The following TLL2 variants were observed in gnomAD, a reference collection of about 807,000 sequenced individuals.
TLL2 encodes tolloid-like protein 2.
In TLL2, 106 loss-of-function variants were observed where a neutral mutation model predicts 123.0. The observed-to-expected ratio is 0.86, with a 90% CI of 0.74 to 1.01. TLL2 has a LOEUF of 1.01. Ranked by LOEUF, TLL2 falls within the 50% of genes least tolerant of loss-of-function variation. The pLI, the probability that TLL2 is intolerant of heterozygous loss-of-function variation, is 0.00. For synonymous variants in TLL2, 494 were observed against 516.8 expected (o/e 0.96, Z 0.60); for missense variants, 1,332 against 1,336.7 (o/e 1.00, Z 0.06).
Position 96,386,989 on chromosome 10 carries a change from C to A in TLL2, c.1816G>T (p.Gly606Cys). ...LGSYKCACDP[G>C]YELAADKKMC... ...TTCTTATCGGCGGCCAGCTCGTAGC[C>A]AGGGTCACAGGCACACTTGTAGCTG... Residue 606 changes from glycine (G) to cysteine (C), a missense_variant, in exon 14 of 21, where the codon GGC becomes TGC. Gly to Cys is a radical substitution (Grantham distance 159). Transcript: ENST00000357947. 6.2e-7 allele frequency: 1 copy of A among 1,614,120 alleles called. No homozygotes were observed. Among genetic ancestry groups the A allele is most frequent in the Non-Finnish European group, 8.5e-7 (1 of 1,180,032 alleles).
chr10:96,506,836 T>A (rs1293257233), intron 1 of TLL2, among the ~76,000 whole-genome samples: 1 of 152,088 alleles, frequency 6.6e-6, no homozygotes, highest in Non-Finnish European at 1.5e-5. Context: ...AAAAAACAAG[T>A]TCCACTGATG....
At chr10:96,486,348 G>T (rs1847356657) in intron 1 of TLL2, among the ~76,000 whole-genome samples, 1 of 152,092 alleles carries the variant, frequency 6.6e-6, no homozygotes, top group Admixed American at 6.5e-5. Flanking sequence ...GAGGTCCAGG[G>T]AGCATTCTAG....
Position 96,386,062 on chromosome 10 carries a change from C to T in TLL2, c.2006G>A (p.Gly669Asp), listed in dbSNP as rs1282814777. 2 of 1,597,958 alleles carry T rather than the reference C, an allele frequency of 1.3e-6. No individual in the cohort carries two copies. Among genetic ancestry groups the T allele is most frequent in the African/African-American group, 2.7e-5 (2 of 74,322 alleles). The change falls in exon 15 of 21, where the codon GGC becomes GAC. Residue 669 changes from glycine (G) to aspartate (D), a missense_variant. Coordinates refer to ENST00000357947, the MANE Select transcript of TLL2 (RefSeq NM_012465.4). ...SLQFEVFELE[G>D]NDVCKYDFVE... is the part of the protein sequence containing the mutation. ...TAGAGCATGGAGACATACGTCATTGCCTTCCAGTTCAAACACTTCAAACTG... is the reference window on the plus strand; with the variant it reads ...TAGAGCATGGAGACATACGTCATTGTCTTCCAGTTCAAACACTTCAAACTG...
intron 3 of TLL2, among the ~76,000 whole-genome samples, chr10:96,443,953 T>C (rs1297151353): frequency 6.6e-6 from 1 of 152,166 alleles, no homozygotes; most frequent in Admixed American, 6.5e-5. Flanking sequence ...AGGATCTGCC[T>C]CTCTCTAAAA....
At chr10:96,488,157 C>T (rs1247098066) in intron 1 of TLL2, among the ~76,000 whole-genome samples, 1 of 152,238 alleles carries the variant, frequency 6.6e-6, no homozygotes, top group African/African-American at 2.4e-5. Flanking sequence ...GCACCAGGCC[C>T]CACTCAGCAA....
At chr10:96,493,098 C>A (rs1316276859) in intron 1 of TLL2, among the ~76,000 whole-genome samples, 1 of 152,210 alleles carries the variant, frequency 6.6e-6, no homozygotes, top group East Asian at 1.9e-4. Context: ...AGCACCCACA[C>A]CGTGCAGGCT....
At chr10:96,425,259 TTCTCTCTCTCTCTCTC>T (rs5787184) in intron 5 of TLL2, among the ~76,000 whole-genome samples, 81 of 144,258 alleles carry the variant, frequency 5.6e-4, no homozygotes, top group African/African-American at 1.8e-4. Flanking sequence ...CATTACTGTT[TTCTCTCTCTCTCTCTC>T]TCTCTCTCTC....
intron 5 of TLL2, among the ~76,000 whole-genome samples, chr10:96,423,371 G>A (rs1345967265): frequency 6.6e-6 from 1 of 152,148 alleles, no homozygotes; most frequent in Non-Finnish European, 1.5e-5. Context: ...CATTTTTAAT[G>A]AAAAGGAGAA....
chr10:96,367,340 T>C lies in TLL2; in HGVS notation c.*748A>G, dbSNP rs1158322616. ...AAAAATATCAGGACGAGCCACAATATTGTCTTCTCAGCAGACAGGACTCTC... is the reference window on the plus strand; with the variant it reads ...AAAAATATCAGGACGAGCCACAATACTGTCTTCTCAGCAGACAGGACTCTC... On this transcript the variant is annotated 3_prime_UTR_variant, in exon 21 of 21. Transcript: ENST00000357947. 6.6e-6 allele frequency: 1 copy of C among 152,216 alleles called. No homozygotes were observed. The highest frequency in any genetic ancestry group is 2.1e-4 in the South Asian group (1 of 4,830). The allele number at this position is 152,216 out of a possible 1,614,324, so 9.4% of individuals were successfully genotyped here.
intron 2 of TLL2, among the ~76,000 whole-genome samples, chr10:96,452,369 T>C: frequency 6.6e-6 from 1 of 151,958 alleles, no homozygotes; most frequent in East Asian, 1.9e-4. Flanking sequence ...GGAGGGGAAG[T>C]AAGAGTCCAA....
intron 2 of TLL2, among the ~76,000 whole-genome samples, chr10:96,461,398 T>G (rs1589428299): frequency 6.6e-6 from 1 of 151,564 alleles, no homozygotes; most frequent in African/African-American, 2.4e-5. Flanking sequence ...AGGAGGGGAG[T>G]GGCAAAGATC....
intron 1 of TLL2, among the ~76,000 whole-genome samples, 169 bp from the exon 2 acceptor site, chr10:96,480,628 A>ATT: frequency 6.6e-6 from 1 of 152,214 alleles, no homozygotes; most frequent in South Asian, 2.1e-4. Context: ...AGGCAGAGGA[A>ATT]CAGCAGGTAT....
intron 1 of TLL2, among the ~76,000 whole-genome samples, chr10:96,495,519 T>C (rs1847463344): frequency 6.6e-6 from 1 of 152,134 alleles, no homozygotes; most frequent in Non-Finnish European, 1.5e-5. Context: ...ATGGCCTCTA[T>C]GTTCTTTTGT....
intron 6 of TLL2, among the ~76,000 whole-genome samples, chr10:96,421,975 C>T (rs1402387667): frequency 2.0e-5 from 3 of 152,178 alleles, no homozygotes; most frequent in South Asian, 4.1e-4. Context: ...ATTTGTAAGG[C>T]AATCATATTC....
In TLL2 at chr10:96,410,414, C is replaced by A; in HGVS notation, c.1109G>T (p.Gly370Val). ...GNFSAPGFPN[G>V]YPSYSHCVWR... The stretch of plus-strand genomic sequence containing the variant: ...GACGCAGTGGGAGTAAGATGGGTAC[C>A]CATTTGGGAAACCAGGTGCAGAAAA... The change falls in exon 9 of 21, where the codon GGG becomes GTG. Residue 370 changes from glycine (G) to valine (V), a missense_variant. By Grantham distance (109) the Gly-to-Val change is moderately radical. Coordinates refer to ENST00000357947, the MANE Select transcript of TLL2 (RefSeq NM_012465.4). The A allele has an allele frequency of 6.2e-7, 1 of 1,613,976 alleles. No individual in the cohort carries two copies.
chr10:96,459,732 A>ATATATATATATATG (rs1222156603), intron 2 of TLL2, among the ~76,000 whole-genome samples: 5 of 123,070 alleles, frequency 4.1e-5, no homozygotes, highest in South Asian at 5.5e-4. Context: ...ATATATATAT[A>ATATATATATATATG]GCAGCTAAAA....
chr10:96,467,328 C>A lies in TLL2; in HGVS notation c.286+13021G>T, dbSNP rs2134097214. ...ACAGCCTGGAAATCCCGGGCTCAAGCACTCCTCCCACCTCAGCCTCCCAAG... is the reference window on the plus strand; with the variant it reads ...ACAGCCTGGAAATCCCGGGCTCAAGAACTCCTCCCACCTCAGCCTCCCAAG... On this transcript the variant is annotated intron_variant, in intron 2 of 20. Coordinates refer to ENST00000357947, the MANE Select transcript of TLL2 (RefSeq NM_012465.4). Among the ~76,000 whole-genome samples the A allele has an allele frequency of 3.3e-5, 5 of 152,270 alleles. No homozygotes were observed. In the South Asian group the frequency reaches 1.0e-3, roughly 32 times the overall value.
chr10:96,483,238 C>T (rs948216399), intron 1 of TLL2, among the ~76,000 whole-genome samples: 1 of 152,114 alleles, frequency 6.6e-6, no homozygotes, highest in African/African-American at 2.4e-5. Context: ...TCTCTGATGC[C>T]CTCTCCAGAT....
In TLL2 at chr10:96,432,690, C is replaced by G. The variant is rs1324081618; in HGVS notation, c.520+117G>C. On this transcript the variant is annotated intron_variant, in intron 4 of 20. Transcript: ENST00000357947. ...GCAAGAGGGGGGCATCATCTGTAGG[C>G]CTGCTGTGGTCCCTAACATCTGCTC... The G allele has an allele frequency of 2.3e-6, 3 of 1,328,968 alleles. No individual in the cohort carries two copies. In the East Asian group the frequency reaches 7.1e-5, roughly 32 times the overall value. The allele number at this position is 1,328,968 out of a possible 1,614,324, so 82.3% of individuals were successfully genotyped here.
Sources: gnomAD v4.1 joint callset for allele counts (sites outside exome capture counted in the v4.1 genomes callset) on GRCh38, gnomAD v4.1.1 for gene constraint, MANE v1.5 for transcripts, NCBI Gene and HGNC (gene_info 2026-07-23, HGNC 2026-07-21) for gene names.